KRT15: variants seen among roughly 807,000 people sequenced by gnomAD.
The protein encoded by KRT15 is keratin, type I cytoskeletal 15.
KRT15 carries 45 observed loss-of-function variants against 46.6 expected under a neutral mutation model. The ratio of observed to expected loss-of-function variants is 0.97; its 90% CI spans 0.76 to 1.24. The LOEUF is 1.24. Ranked by LOEUF, KRT15 falls within the 50% of genes most tolerant of loss-of-function variation. The pLI, the probability that KRT15 is intolerant of heterozygous loss-of-function variation, is 0.00. For synonymous variants in KRT15, 221 were observed against 233.8 expected (o/e 0.95, Z 0.50); for missense variants, 592 against 588.9 (o/e 1.01, Z -0.05).
In KRT15 at chr17:41,518,790, A is replaced by G; in HGVS notation, c.38T>C (p.Phe13Ser). 6.6e-7 allele frequency: 1 copy of G among 1,504,652 alleles called. No homozygotes were observed. Among genetic ancestry groups the G allele is most frequent in the Non-Finnish European group, 8.9e-7 (1 of 1,128,012 alleles). 93.2% of individuals were successfully genotyped at this position (1,504,652 alleles called of 1,614,324 possible). Residue 13 changes from phenylalanine to serine, a missense_variant, in exon 1 of 8, where the codon TTT becomes TCT. Phe to Ser is a radical substitution (Grantham distance 155). Coordinates refer to ENST00000254043, the MANE Select transcript of KRT15 (RefSeq NM_002275.4). ...TTFLQTSSST[F>S]GGGSTRGGSL... ...ACCCCCTCGGGTTGAGCCACCCCCA[A>G]AGGTGGAGGAAGAAGTTTGCAGAAA...
intron 5 of KRT15, 70 bp downstream of exon 5, chr17:41,515,815 G>C: frequency 1.2e-6 from 2 of 1,611,128 alleles, no homozygotes; most frequent in Non-Finnish European, 8.5e-7. Flanking sequence ...GAACTCCAAG[G>C]CTTAAATAGC....
At chr17:41,517,317 T>TG in intron 1 of KRT15, 152 bp from the exon 2 acceptor site, 1 of 660,680 alleles carries the variant, frequency 1.5e-6, no homozygotes, top group Admixed American at 2.6e-5. Flanking sequence ...GCTTCTGGGG[T>TG]GGGCAAAGTC....
rs754148226 is a variant in KRT15, at chr17:41,516,236, G to A, written c.768C>T (p.Ala256=). The A allele has an allele frequency of 6.2e-5, 100 of 1,613,742 alleles. No homozygotes were observed. The highest frequency in any genetic ancestry group is 2.8e-4 in the Admixed American group (17 of 59,992). The change falls in exon 4 of 8, where the codon GCC becomes GCT. Residue 256 remains alanine (A), a synonymous_variant. Coordinates refer to ENST00000254043, the MANE Select transcript of KRT15 (RefSeq NM_002275.4). ...CGTCCATCTCCACATTGACCTGGCC[G>A]GCCAGCTGGCTGCTGAACTCCTTCA... ...EEMKEFSSQL[A]GQVNVEMDAA...
intron 7 of KRT15, 38 bp downstream of exon 7, chr17:41,514,611 C>G (rs1905269711): frequency 6.2e-7 from 1 of 1,602,170 alleles, no homozygotes; most frequent in Admixed American, 1.7e-5. Flanking sequence ...CAACATCTCC[C>G]CTCCCCACCC....
In KRT15 at chr17:41,515,977, T is replaced by A; in HGVS notation, c.934A>T (p.Thr312Ser). The part of the protein sequence containing the change: ...EELNKEVASN[T>S]EMIQTSKTEI... Reference sequence around the variant, plus strand: ...GTCTTGCTGGTCTGGATCATTTCTGTGTTGGAGGCCACCTCTTTGTTCAGC... The same window carrying A: ...GTCTTGCTGGTCTGGATCATTTCTGAGTTGGAGGCCACCTCTTTGTTCAGC... Residue 312 changes from threonine (T) to serine (S), a missense_variant, in exon 5 of 8, where the codon ACA becomes TCA. Coordinates refer to ENST00000254043, the MANE Select transcript of KRT15 (RefSeq NM_002275.4). The A allele has an allele frequency of 6.2e-7, 1 of 1,614,096 alleles. No homozygotes were observed. Among genetic ancestry groups the A allele is most frequent in the Non-Finnish European group, 8.5e-7 (1 of 1,180,002 alleles).
rs929806601 is a variant in KRT15 at position 41,515,575 on chromosome 17, T to C, written c.1144A>G (p.Met382Val). 1 of 1,614,150 alleles carries C rather than the reference T, an allele frequency of 6.2e-7. No individual in the cohort carries two copies. Among genetic ancestry groups the C allele is most frequent in the Non-Finnish European group, 8.5e-7 (1 of 1,180,044 alleles). The change falls in exon 6 of 8, where the codon ATG (methionine) becomes GTG (valine). Residue 382 changes from methionine to valine, a missense_variant. Met to Val is a conservative substitution (Grantham distance 21, BLOSUM62 1). Coordinates refer to ENST00000254043, the MANE Select transcript of KRT15 (RefSeq NM_002275.4). Reference sequence around the variant, plus strand: ...TTGTACTCCTGGTTCTGAGCCTCCATCTCGCATCGGAGCTCACTCAGCTGG... The same window carrying C: ...TTGTACTCCTGGTTCTGAGCCTCCACCTCGCATCGGAGCTCACTCAGCTGG... ...EAQLSELRCE[M>V]EAQNQEYKML...
At chr17:41,517,298 A>G (rs567353846) in intron 1 of KRT15, 133 bp from the exon 2 acceptor site, 1 of 731,216 alleles carries the variant, frequency 1.4e-6, no homozygotes, top group Non-Finnish European at 2.3e-6. Flanking sequence ...ACCAACAAAA[A>G]TCTGTACGGC....
At chr17:41,514,862 T>A in intron 6 of KRT15, 188 bp from the exon 7 acceptor site, 1 of 527,138 alleles carries the variant, frequency 1.9e-6, no homozygotes, top group South Asian at 2.6e-5. Context: ...AGACAGATTT[T>A]GTTTTGTTTT....
chr17:41,516,466 G>A (rs1014837881), intron 3 of KRT15, among the ~76,000 whole-genome samples: 10 of 152,272 alleles, frequency 6.6e-5, no homozygotes, highest in South Asian at 2.1e-4. Flanking sequence ...GGAGGACCCC[G>A]AGACTGTAGG....
At chr17:41,514,859 T>TTTTGTTTTGA (rs1905281184) in intron 6 of KRT15, 185 bp from the exon 7 acceptor site, 2 of 524,234 alleles carry the variant, frequency 3.8e-6, no homozygotes, top group Non-Finnish European at 6.8e-6. Context: ...AGTAGACAGA[T>TTTTGTTTTGA]TTTGTTTTGT....
Position 41,513,778 on chromosome 17 carries a change from T to C in KRT15, c.*245A>G, listed in dbSNP as rs2144516454. 1 of 444,720 alleles carries C rather than the reference T, an allele frequency of 2.2e-6. No individual in the cohort carries two copies. The highest frequency in any genetic ancestry group is 4.1e-6 in the Non-Finnish European group (1 of 243,080). The allele number at this position is 444,720 out of a possible 1,614,324, so 27.5% of individuals were successfully genotyped here. A position where few individuals can be genotyped will look rare whatever the true frequency, so the allele number is the denominator to read the frequency against. ...AAAGGAAAAGTAATTCTTTATTACA[T>C]GAACAGACACTGTACAAATGAGCTT... On this transcript the variant is annotated 3_prime_UTR_variant, in exon 8 of 8. Coordinates refer to ENST00000254043, the MANE Select transcript of KRT15 (RefSeq NM_002275.4).
At chr17:41,514,840 C>A (rs891788876) in intron 6 of KRT15, 166 bp from the exon 7 acceptor site, 27 of 605,266 alleles carry the variant, frequency 4.5e-5, no homozygotes, top group Non-Finnish European at 4.7e-5. Flanking sequence ...TCCAGGCCTG[C>A]TATCCCCAAG....
intron 3 of KRT15, among the ~76,000 whole-genome samples, chr17:41,516,599 TG>T (rs1366692330): frequency 1.3e-5 from 2 of 152,204 alleles, no homozygotes; most frequent in Admixed American, 1.3e-4. Context: ...CCTGGTTTTG[TG>T]GGGTAGGTGT....
chr17:41,514,157 C>A (rs552958702), intron 7 of KRT15, 37 bp from the exon 8 acceptor site: 23 of 1,514,232 alleles, frequency 1.5e-5, no homozygotes, highest in Admixed American at 6.7e-5. Context: ...AGTGGGGGAA[C>A]CTCCCCGCTC....
intron 7 of KRT15, 144 bp from the exon 8 acceptor site, chr17:41,514,264 T>A: frequency 1.5e-6 from 1 of 663,458 alleles, no homozygotes; most frequent in Non-Finnish European, 2.7e-6. Context: ...GCCAGAGATC[T>A]GGTGTTGAAT....
chr17:41,514,420 A>G (rs138366234), intron 7 of KRT15: 14 of 600,362 alleles, frequency 2.3e-5, no homozygotes, highest in Middle Eastern at 8.9e-4. Flanking sequence ...GGGGAGAGAC[A>G]TGCCCTGAAT....
In KRT15 at chr17:41,516,795, G is replaced by A. The variant is rs370283006; in HGVS notation, c.738+13C>T. On this transcript the variant is annotated intron_variant, in intron 3 of 7. Coordinates refer to ENST00000254043, the MANE Select transcript of KRT15 (RefSeq NM_002275.4). ...CTCTCTCGGGTTCAGGGGTGATGGG[G>A]GCCAGCTCTCACCTCTTCGTGGTTC... The A allele has an allele frequency of 3.7e-6, 6 of 1,613,964 alleles. No homozygotes were observed. The highest frequency in any genetic ancestry group is 5.1e-6 in the Non-Finnish European group (6 of 1,179,878).
At chr17:41,516,745 T>A (rs921491986) in intron 3 of KRT15, 63 bp downstream of exon 3, 5 of 1,587,884 alleles carry the variant, frequency 3.1e-6, no homozygotes, top group Non-Finnish European at 4.3e-6. Flanking sequence ...GCAATTTAAG[T>A]GAGTTTTGGG....
intron 1 of KRT15, chr17:41,517,513 C>T (rs1226246970): frequency 3.0e-6 from 1 of 329,826 alleles, no homozygotes; most frequent in Non-Finnish European, 5.8e-6. Flanking sequence ...CTCTCAGAGA[C>T]ACTCCACCAG....
Sources: allele counts gnomAD v4.1 joint callset (sites outside exome capture counted in the v4.1 genomes callset), GRCh38; gene constraint gnomAD v4.1.1; transcripts MANE v1.5; gene names NCBI Gene and HGNC (gene_info 2026-07-23, HGNC 2026-07-21).